ANK3: variants seen among roughly 807,000 people sequenced by gnomAD.
The protein encoded by ANK3 is ankyrin-3.
ANK3 carries 57 observed loss-of-function variants against 370.9 expected under a neutral mutation model. The ratio of observed to expected loss-of-function variants is 0.15; its 90% confidence interval spans 0.12 to 0.19. The LOEUF (loss-of-function observed/expected upper bound fraction) is 0.19. Among genes scored for constraint, ANK3 ranks in the 10% least tolerant of loss-of-function variants. The pLI is 1.00. For missense variants in ANK3, 4,439 were observed against 5,302.1 expected, an observed-to-expected ratio of 0.84 and a Z score of 5.06; for synonymous variants, 1,929 against 1,946.3, an observed-to-expected ratio of 0.99 and a Z score of 0.23.
In ANK3 at chr10:60,049,761, A is replaced by G. The variant is rs138331640; in HGVS notation, c.13065+5897T>C. Among the ~76,000 whole-genome samples, 861 of 152,322 alleles carry G rather than the reference A, an allele frequency of 5.7e-3. 6 individuals are homozygous for G. Among genetic ancestry groups the G allele is most frequent in the African/African-American group, 0.02 (823 of 41,564 alleles). ...CTCTAAGAAAATTACTTAATAGCTA[A>G]CTTGCTGGTGCATATCTAGAATTCT... On this transcript the variant is annotated intron_variant, in intron 42 of 43. Transcript: ENST00000280772.
At chr10:60,645,100 A>G (rs946892213) in intron 1 of ANK3, among the ~76,000 whole-genome samples, 1 of 152,124 alleles carries the variant, frequency 6.6e-6, no homozygotes, top group African/African-American at 2.4e-5. Context: ...GTGGGTTAGG[A>G]TGTATATAAT....
At chr10:60,349,842 A>G (rs1291184582) in intron 1 of ANK3, among the ~76,000 whole-genome samples, 1 of 152,234 alleles carries the variant, frequency 6.6e-6, no homozygotes, top group African/African-American at 2.4e-5. Context: ...TGGACAAGTC[A>G]TAATTTTTAG....
chr10:60,086,824 G>A lies in ANK3; in HGVS notation c.3601C>T (p.Pro1201Ser). The A allele has an allele frequency of 1.2e-6, 2 of 1,613,882 alleles. No homozygotes were observed. Among genetic ancestry groups the A allele is most frequent in the Non-Finnish European group, 1.7e-6 (2 of 1,179,988 alleles). ...CTTCTTGGTTCCACAGTGACAATTG[G>A]GCTAAAAGTTGCTTTGTTTCCAAGG... ...KILGNKATFS[P>S]IVTVEPRRRK... Residue 1201 changes from proline to serine, a missense_variant, in exon 30 of 44, where the codon CCA becomes TCA. Transcript: ENST00000280772.
intron 2 of ANK3, among the ~76,000 whole-genome samples, chr10:60,483,076 C>A (rs1005137488): frequency 6.6e-6 from 1 of 152,072 alleles, no homozygotes; most frequent in African/African-American, 2.4e-5. Context: ...ATCCTTGTAA[C>A]AATTTATAAG....
intron 2 of ANK3, among the ~76,000 whole-genome samples, chr10:60,520,761 CAG>C (rs2076329123): frequency 6.6e-6 from 1 of 152,056 alleles, no homozygotes; most frequent in Non-Finnish European, 1.5e-5. Context: ...GATTGGCAAA[CAG>C]AAATTATTTG....
chr10:60,097,723 G>A lies in ANK3; in HGVS notation c.3328+8182C>T, dbSNP rs139561398. ...TTATGGGCACACAATTAAATGTCTC[G>A]ATCACTTCGTTAAATGGGGACACAG... On this transcript the variant is annotated intron_variant, in intron 28 of 43. Transcript: ENST00000280772. Among the ~76,000 whole-genome samples the A allele has an allele frequency of 9.2e-4, 140 of 152,178 alleles. 1 individual carries two copies. Among genetic ancestry groups the A allele is most frequent in the African/African-American group, 3.1e-3 (130 of 41,520 alleles).
chr10:60,142,020 G>T (rs191124113), intron 23 of ANK3, among the ~76,000 whole-genome samples: 1 of 152,156 alleles, frequency 6.6e-6, no homozygotes, highest in Non-Finnish European at 1.5e-5. Flanking sequence ...AATGTTCATC[G>T]ACTTTTTAAG....
chr10:60,091,984 C>A (rs923003898), intron 28 of ANK3, among the ~76,000 whole-genome samples: 3 of 152,170 alleles, frequency 2.0e-5, no homozygotes, highest in African/African-American at 7.2e-5. Flanking sequence ...CCACCTCAGC[C>A]TCCCAAAGTG....
intron 2 of ANK3, among the ~76,000 whole-genome samples, chr10:60,591,657 A>C (rs965162738): frequency 1.6e-4 from 24 of 152,188 alleles, no homozygotes; most frequent in African/African-American, 5.5e-4. Context: ...ACAATAGCCA[A>C]GATTTGGAAG....
intron 2 of ANK3, among the ~76,000 whole-genome samples, chr10:60,602,042 A>G (rs1480263035): frequency 6.6e-6 from 1 of 152,152 alleles, no homozygotes; most frequent in Non-Finnish European, 1.5e-5. Flanking sequence ...CTTTTGTAAA[A>G]TGTAGTAGTA....
chr10:60,419,759 C>T (rs1256884903), intron 2 of ANK3, among the ~76,000 whole-genome samples: 1 of 152,102 alleles, frequency 6.6e-6, no homozygotes, highest in Non-Finnish European at 1.5e-5. Flanking sequence ...GGAATGAATC[C>T]TAACTTCAGG....
At chr10:60,083,840 C>A in intron 32 of ANK3, 1 of 336,472 alleles carries the variant, frequency 3.0e-6, no homozygotes, top group Non-Finnish European at 5.3e-6. Flanking sequence ...AACAGAATTA[C>A]ACATTTATTT....
At chr10:60,370,264 A>C (rs74156456) in intron 1 of ANK3, among the ~76,000 whole-genome samples, 3,056 of 152,246 alleles carry the variant, frequency 0.02, 95 homozygotes, top group African/African-American at 0.068. Flanking sequence ...ATTCTCATGT[A>C]AAATTGTTTT....
In ANK3 at chr10:60,461,902, G is replaced by A. The variant is rs190050391; in HGVS notation, c.96+153284C>T. 2.5e-3 allele frequency among the ~76,000 whole-genome samples: 377 copies of A among 152,236 alleles called. 1 individual carries two copies. The highest frequency in any genetic ancestry group is 8.2e-3 in the African/African-American group (340 of 41,548). ...ACTGGATACCTCCCTGCCACAAGAC[G>A]GGAAGAAAGGGGAAGTTCTGTACAA... On this transcript the variant is annotated intron_variant, in intron 2 of 43. Coordinates refer to the ANK3 transcript ENST00000373827.
intron 2 of ANK3, among the ~76,000 whole-genome samples, chr10:60,610,995 T>C (rs2078193755): frequency 6.6e-6 from 1 of 152,228 alleles, no homozygotes; most frequent in South Asian, 2.1e-4. Context: ...TTACTTGTAA[T>C]GTGATAGCTA....
intron 1 of ANK3, among the ~76,000 whole-genome samples, chr10:60,358,946 T>TCTTTCTAGTTG (rs1388794384): frequency 6.6e-6 from 1 of 152,142 alleles, no homozygotes; most frequent in Non-Finnish European, 1.5e-5. Flanking sequence ...ATAAAGCAAC[T>TCTTTCTAGTTG]CTTTCTAGTT....
At chr10:60,044,914 T>C (rs2131874316) in intron 42 of ANK3, 1 of 152,354 alleles carries the variant, frequency 6.6e-6, no homozygotes, top group Non-Finnish European at 1.5e-5. Flanking sequence ...GAATCTTTCA[T>C]AGCTCTTAAG....
chr10:60,345,611 GAAAGT>G (rs756332646), intron 1 of ANK3, among the ~76,000 whole-genome samples: 7 of 152,072 alleles, frequency 4.6e-5, no homozygotes, highest in African/African-American at 7.2e-5. Context: ...TAGCCTTTTA[GAAAGT>G]AAAGAAGATA....
intron 2 of ANK3, among the ~76,000 whole-genome samples, chr10:60,590,324 ATTAC>A (rs1263991825): frequency 6.6e-6 from 1 of 152,204 alleles, no homozygotes; most frequent in East Asian, 1.9e-4. Flanking sequence ...CTCTTCAATA[ATTAC>A]TTATACTTAC....
Sources: gnomAD v4.1 joint callset for allele counts (sites outside exome capture counted in the v4.1 genomes callset) on GRCh38, gnomAD v4.1.1 for gene constraint, MANE v1.5 for transcripts, NCBI Gene and HGNC (gene_info 2026-07-23, HGNC 2026-07-21) for gene names.